IL1RAPL1: variants seen among roughly 807,000 people sequenced by gnomAD.
IL1RAPL1 encodes interleukin 1 receptor accessory protein like 1, also known as interleukin-1 receptor accessory protein-like 1.
In IL1RAPL1, 3 loss-of-function variants were observed where a neutral mutation model predicts 48.4. The ratio of observed to expected loss-of-function variants is 0.06; its 90% CI spans 0.03 to 0.16. The LOEUF (loss-of-function observed/expected upper bound fraction) is 0.16, where lower values mean the gene tolerates loss of function less well. Among genes scored for constraint, IL1RAPL1 ranks in the 10% least tolerant of loss-of-function variants. The probability of loss-of-function intolerance (pLI) is 1.00; values close to 1 mark genes in which losing one functional copy is unlikely to be tolerated. For missense variants in IL1RAPL1, 349 were observed against 530.6 expected, an observed-to-expected ratio of 0.66 and a Z score of 3.36; for synonymous variants, 185 against 187.7, an observed-to-expected ratio of 0.99 and a Z score of 0.12.
intron 2 of IL1RAPL1, among the ~76,000 whole-genome samples, chrX:29,200,202 C>T (rs1233019328): frequency 3.6e-5 from 4 of 110,930 alleles, no homozygotes; most frequent in African/African-American, 1.3e-4. Context: ...ATAAGAAATA[C>T]AGCATTCCTG....
chrX:29,264,572 T>C (rs1479801828), intron 2 of IL1RAPL1, among the ~76,000 whole-genome samples: 1 of 111,184 alleles, frequency 9.0e-6, no homozygotes, highest in Admixed American at 9.6e-5. Flanking sequence ...AACACACTCC[T>C]AAAAAGAGTG....
intron 5 of IL1RAPL1, among the ~76,000 whole-genome samples, chrX:29,457,196 T>C (rs1479309389): frequency 1.8e-5 from 2 of 109,935 alleles, no homozygotes; most frequent in African/African-American, 3.3e-5. Context: ...TCTTTTTTTT[T>C]TTTTTGGTCC....
chrX:28,835,266 A>G (rs184136618), intron 2 of IL1RAPL1, among the ~76,000 whole-genome samples: 2 of 111,785 alleles, frequency 1.8e-5, no homozygotes, highest in African/African-American at 6.5e-5. Context: ...GCCTGCAGCC[A>G]GCCTTGATGG....
At chrX:29,427,437 C>T (rs1179039956) in intron 5 of IL1RAPL1, among the ~76,000 whole-genome samples, 1 of 111,977 alleles carries the variant, frequency 8.9e-6, no homozygotes, top group African/African-American at 3.2e-5. Context: ...GGATAGTATG[C>T]ATTTCTCAAA....
chrX:29,804,131 G>A (rs1456644508), intron 6 of IL1RAPL1, among the ~76,000 whole-genome samples: 1 of 111,234 alleles, frequency 9.0e-6, no homozygotes, highest in African/African-American at 3.3e-5. Context: ...TTTCCTCTGT[G>A]TCTACCACTT....
rs776484140 is a variant in IL1RAPL1 at position 29,086,322 on chromosome X, A to G, written c.83-196616A>G. Among the ~76,000 whole-genome samples, 5 of 112,402 alleles carry G rather than the reference A, an allele frequency of 4.4e-5. No individual in the cohort carries two copies. The East Asian group carries it at 1.4e-3, about 31-fold the overall frequency. On this transcript the variant is annotated intron_variant, in intron 2 of 10. Transcript: ENST00000378993. ...TCTAATACCAGATTATGAAAATCAC[A>G]GAAAAAAGGAAAAAATATTATTTCC...
chrX:29,399,773 C>T (rs745375292), intron 5 of IL1RAPL1, among the ~76,000 whole-genome samples: 2 of 106,711 alleles, frequency 1.9e-5, no homozygotes, highest in African/African-American at 6.9e-5. Flanking sequence ...GAGCTGAGAT[C>T]GTGCCATTGC....
intron 6 of IL1RAPL1, among the ~76,000 whole-genome samples, chrX:29,820,513 G>A (rs1376732652): frequency 9.0e-6 from 1 of 111,477 alleles, no homozygotes; most frequent in Non-Finnish European, 1.9e-5. Context: ...AAAGAGACTT[G>A]GGACCTAAGT....
At chrX:29,245,208 C>G (rs896590585) in intron 2 of IL1RAPL1, among the ~76,000 whole-genome samples, 1 of 111,574 alleles carries the variant, frequency 9.0e-6, no homozygotes, top group Non-Finnish European at 1.9e-5. Context: ...CAAGTCTTTG[C>G]TATTGTGTAC....
Position 29,014,089 on chromosome X carries a change from A to G in IL1RAPL1, c.82+224664A>G, listed in dbSNP as rs150272601. On this transcript the variant is annotated intron_variant, in intron 2 of 10. Transcript: ENST00000378993. Reference sequence around the variant, plus strand: ...CAGAGAGGCCTTTTCCACCACAACAATGCTCCTGCTCATTCCTCACATCAA... The same window carrying G: ...CAGAGAGGCCTTTTCCACCACAACAGTGCTCCTGCTCATTCCTCACATCAA... Among the ~76,000 whole-genome samples the G allele has an allele frequency of 5.2e-3, 580 of 111,859 alleles. 3 individuals are homozygous for G. The highest frequency in any genetic ancestry group is 0.018 in the African/African-American group (559 of 30,830).
chrX:28,695,425 C>G (rs1003068462), intron 1 of IL1RAPL1, among the ~76,000 whole-genome samples: 5 of 111,212 alleles, frequency 4.5e-5, no homozygotes, highest in Non-Finnish European at 9.4e-5. Flanking sequence ...TAAATTAACA[C>G]CCCATAGATC....
rs750595692 is a variant in IL1RAPL1, at chrX:29,389,969, A to G, written c.363-6289A>G. Reference sequence around the variant, plus strand: ...ATTTAGTATTAGTAGCTACAAACATACTGTGTTTAAGAAAGATAAGATATA... The same window carrying G: ...ATTTAGTATTAGTAGCTACAAACATGCTGTGTTTAAGAAAGATAAGATATA... On this transcript the variant is annotated intron_variant, in intron 3 of 10. Coordinates refer to ENST00000378993, the MANE Select transcript of IL1RAPL1 (RefSeq NM_014271.4). 1.6e-4 allele frequency among the ~76,000 whole-genome samples: 18 copies of G among 112,203 alleles called. No homozygotes were observed. In the South Asian group the frequency reaches 6.7e-3, roughly 42 times the overall value.
intron 9 of IL1RAPL1, among the ~76,000 whole-genome samples, chrX:29,945,473 G>C (rs1330421623): frequency 9.7e-6 from 1 of 102,750 alleles, no homozygotes; most frequent in African/African-American, 3.6e-5. Flanking sequence ...AAATACTTTT[G>C]AAAGTAAGAT....
At chrX:29,589,404 C>A (rs753488879) in intron 5 of IL1RAPL1, among the ~76,000 whole-genome samples, 1 of 111,688 alleles carries the variant, frequency 9.0e-6, no homozygotes, top group South Asian at 3.7e-4. Context: ...ATATCCCTGA[C>A]TTTATGAAGA....
intron 1 of IL1RAPL1, among the ~76,000 whole-genome samples, chrX:28,595,125 A>G (rs1182690553): frequency 8.9e-6 from 1 of 112,224 alleles, no homozygotes; most frequent in Admixed American, 9.5e-5. Context: ...TCATTTCTTC[A>G]TCAACAGGGT....
intron 2 of IL1RAPL1, among the ~76,000 whole-genome samples, chrX:28,958,137 A>G (rs1924666594): frequency 9.0e-6 from 1 of 110,749 alleles, no homozygotes; most frequent in Non-Finnish European, 1.9e-5. Context: ...AGAACACTTG[A>G]AATCTATTTT....
intron 1 of IL1RAPL1, among the ~76,000 whole-genome samples, chrX:28,727,942 G>GAT (rs1935700948): frequency 9.1e-6 from 1 of 109,572 alleles, no homozygotes; most frequent in Non-Finnish European, 1.9e-5. Context: ...AGGGGGGAGG[G>GAT]ATAGCATTGG....
intron 1 of IL1RAPL1, among the ~76,000 whole-genome samples, chrX:28,598,110 A>G (rs868193599): frequency 3.6e-4 from 41 of 112,444 alleles, no homozygotes; most frequent in African/African-American, 1.3e-3. Context: ...TAGATTTCAA[A>G]ATGGTTTTAT....
At chrX:29,588,624 A>G (rs1259984739) in intron 5 of IL1RAPL1, among the ~76,000 whole-genome samples, 1 of 111,906 alleles carries the variant, frequency 8.9e-6, no homozygotes, top group Non-Finnish European at 1.9e-5. Flanking sequence ...CTAAACTACT[A>G]TACTACGATG....
Sources: gnomAD v4.1 joint callset for allele counts (sites outside exome capture counted in the v4.1 genomes callset) on GRCh38, gnomAD v4.1.1 for gene constraint, MANE v1.5 for transcripts, NCBI Gene and HGNC (gene_info 2026-07-23, HGNC 2026-07-21) for gene names.